Variants in EPHA6 observed in about 807,000 individuals in gnomAD.
The protein encoded by EPHA6 is EPH receptor A6.
EPHA6 carries 50 observed loss-of-function variants against 112.0 expected under a neutral mutation model. That is an observed-to-expected ratio of 0.45 (90% confidence interval 0.36 to 0.56). The LOEUF (loss-of-function observed/expected upper bound fraction) is 0.56, where lower values mean the gene tolerates loss of function less well. EPHA6 is among the 20% of genes least tolerant of loss of function. The pLI is 0.00. For missense variants in EPHA6, 1,280 were observed against 1,417.4 expected (o/e 0.90, Z 1.56); for synonymous variants, 529 against 490.7 (o/e 1.08, Z -1.03).
intron 2 of EPHA6, among the ~76,000 whole-genome samples, chr3:96,967,019 T>TTC (rs2042145795): frequency 6.6e-6 from 1 of 151,886 alleles, no homozygotes; most frequent in Non-Finnish European, 1.5e-5. Context: ...AAATAACATT[T>TTC]TCCTTGTGTA....
rs1335233266 is a variant in EPHA6 at position 97,736,012 on chromosome 3, C to A, written c.3022C>A (p.Gln1008Lys). 1 of 1,612,592 alleles carries A rather than the reference C, an allele frequency of 6.2e-7. No homozygotes were observed. Among genetic ancestry groups the A allele is most frequent in the Admixed American group, 1.7e-5 (1 of 59,838 alleles). ...SLHQLMLHCWQKERNHRPKFT... is the reference protein window; with the variant it reads ...SLHQLMLHCWKKERNHRPKFT... ...ACACCAGCTGATGCTCCACTGCTGGCAGAAGGAGAGAAATCACAGACCAAA... is the reference window on the plus strand; with the variant it reads ...ACACCAGCTGATGCTCCACTGCTGGAAGAAGGAGAGAAATCACAGACCAAA... The change falls in exon 16 of 18, where the codon CAG becomes AAG. Residue 1008 changes from glutamine to lysine, a missense_variant. Transcript: ENST00000389672.
At chr3:97,518,333 G>T (rs541330937) in intron 10 of EPHA6, among the ~76,000 whole-genome samples, 86 of 152,166 alleles carry the variant, frequency 5.7e-4, no homozygotes, top group Non-Finnish European at 9.3e-4. Flanking sequence ...CTGATAATTA[G>T]TTATAGTGAG....
intron 11 of EPHA6, among the ~76,000 whole-genome samples, chr3:97,559,878 C>A (rs909202328): frequency 7.0e-4 from 107 of 151,846 alleles, no homozygotes; most frequent in African/African-American, 2.5e-3. Context: ...TAAAAGGCCA[C>A]AAAAGAGAAG....
At chr3:97,197,829 C>T (rs1408577868) in intron 3 of EPHA6, among the ~76,000 whole-genome samples, 2 of 152,056 alleles carry the variant, frequency 1.3e-5, no homozygotes, top group African/African-American at 4.8e-5. Flanking sequence ...GGTGGTGGGG[C>T]TACCAGGAAC....
At chr3:97,258,279 TA>T (rs2108613252) in intron 5 of EPHA6, among the ~76,000 whole-genome samples, 1 of 151,434 alleles carries the variant, frequency 6.6e-6, no homozygotes, top group South Asian at 2.1e-4. Flanking sequence ...CACACATACA[TA>T]ACATACACAC....
chr3:97,376,465 G>A (rs1039581313), intron 5 of EPHA6, among the ~76,000 whole-genome samples: 1 of 152,150 alleles, frequency 6.6e-6, no homozygotes, highest in Non-Finnish European at 1.5e-5. Context: ...AACATGCACA[G>A]GAATACAGTC....
chr3:96,956,660 G>A (rs1806558), intron 2 of EPHA6, among the ~76,000 whole-genome samples: 92,603 of 151,982 alleles, frequency 0.61, 34,955 homozygotes, highest in Non-Finnish European at 0.83. Flanking sequence ...TGATCAGAAA[G>A]GCATTAAAAT....
intron 3 of EPHA6, among the ~76,000 whole-genome samples, chr3:97,062,168 A>G (rs561299903): frequency 9.2e-5 from 14 of 152,306 alleles, no homozygotes; most frequent in African/African-American, 3.1e-4. Flanking sequence ...TTGTGATATA[A>G]TATAACATGT....
intron 3 of EPHA6, among the ~76,000 whole-genome samples, chr3:97,019,939 T>C (rs939837603): frequency 2.0e-5 from 3 of 152,228 alleles, no homozygotes; most frequent in Admixed American, 6.5e-5. Flanking sequence ...CTTGTATTCA[T>C]GCTTTTTCGC....
intron 3 of EPHA6, among the ~76,000 whole-genome samples, chr3:97,092,937 C>G (rs1242247596): frequency 6.6e-6 from 1 of 152,066 alleles, no homozygotes; most frequent in Admixed American, 6.6e-5. Flanking sequence ...ATTCAGGGAG[C>G]TAGGCCTCTG....
intron 3 of EPHA6, among the ~76,000 whole-genome samples, chr3:97,060,437 C>G (rs746923979): frequency 2.6e-5 from 4 of 152,224 alleles, no homozygotes; most frequent in Non-Finnish European, 5.9e-5. Context: ...TGAGAACTTA[C>G]TTTTAATTAA....
intron 2 of EPHA6, among the ~76,000 whole-genome samples, chr3:96,973,019 A>G (rs531910148): frequency 6.6e-6 from 1 of 152,288 alleles, no homozygotes; most frequent in South Asian, 2.1e-4. Flanking sequence ...TTGTTCTCCA[A>G]GAAAAGAAAG....
intron 3 of EPHA6, among the ~76,000 whole-genome samples, chr3:97,101,040 A>G (rs1163796212): frequency 6.6e-6 from 1 of 152,044 alleles, no homozygotes; most frequent in South Asian, 2.1e-4. Context: ...ATAATGTATT[A>G]TGATTCAGAT....
At chr3:97,448,823 A>G (rs2107320192) in intron 7 of EPHA6, 93 bp downstream of exon 7, 1 of 1,185,298 alleles carries the variant, frequency 8.4e-7, no homozygotes, top group East Asian at 2.4e-5. Context: ...CAAGTTTTTA[A>G]TAGCTTGTTT....
chr3:97,074,141 T>C (rs1477413124), intron 3 of EPHA6, among the ~76,000 whole-genome samples: 1 of 151,986 alleles, frequency 6.6e-6, no homozygotes, highest in Non-Finnish European at 1.5e-5. Flanking sequence ...CTATCAGTTA[T>C]TTTGCCATTC....
rs1289718989 is a variant in EPHA6, at chr3:97,755,714, T to G, written c.*7013T>G. The stretch of plus-strand genomic sequence containing the variant: ...AGTAACTGAGGATAGATATCTTTGT[T>G]TCATGAGTTCAATATGAGCTTACAT... On this transcript the variant is annotated 3_prime_UTR_variant, in exon 18 of 18. Transcript: ENST00000389672. Among the ~76,000 whole-genome samples, 1 of 152,152 alleles carries G rather than the reference T, an allele frequency of 6.6e-6. No homozygotes were observed. The highest frequency in any genetic ancestry group is 1.5e-5 in the Non-Finnish European group (1 of 67,956).
intron 1 of EPHA6, among the ~76,000 whole-genome samples, chr3:96,829,014 A>G (rs1186069970): frequency 1.3e-5 from 2 of 152,092 alleles, no homozygotes; most frequent in African/African-American, 4.8e-5. Flanking sequence ...CTACATATGG[A>G]CTAAGTTCCA....
intron 14 of EPHA6, among the ~76,000 whole-genome samples, chr3:97,697,423 A>C (rs1009544556): frequency 3.9e-5 from 6 of 152,194 alleles, no homozygotes; most frequent in Non-Finnish European, 5.9e-5. Flanking sequence ...AATAAAGGAC[A>C]TTTTCTGTAA....
At chr3:97,263,887 G>C (rs1262055514) in intron 5 of EPHA6, among the ~76,000 whole-genome samples, 2 of 152,036 alleles carry the variant, frequency 1.3e-5, no homozygotes, top group Admixed American at 6.5e-5. Flanking sequence ...CATCATTGTA[G>C]TTTTCTGTAC....
Sources: gnomAD v4.1 joint callset for allele counts (sites outside exome capture counted in the v4.1 genomes callset) on GRCh38, gnomAD v4.1.1 for gene constraint, MANE v1.5 for transcripts, NCBI Gene and HGNC (gene_info 2026-07-23, HGNC 2026-07-21) for gene names.